Variants in MACROD2 observed in about 807,000 individuals in gnomAD.
The protein encoded by MACROD2 is mono-ADP ribosylhydrolase 2.
MACROD2 carries 36 observed loss-of-function variants against 70.4 expected under a neutral mutation model. The ratio of observed to expected loss-of-function variants is 0.51; its 90% confidence interval spans 0.39 to 0.68. The LOEUF (loss-of-function observed/expected upper bound fraction) is 0.68. Ranked by LOEUF, MACROD2 falls within the 30% of genes least tolerant of loss-of-function variation. The pLI is 0.00. For synonymous variants in MACROD2, 172 were observed against 178.8 expected, an observed-to-expected ratio of 0.96 and a Z score of 0.30; for missense variants, 496 against 538.4, an observed-to-expected ratio of 0.92 and a Z score of 0.78.
chr20:15,873,388 GA>G (rs1483135574), intron 9 of MACROD2, among the ~76,000 whole-genome samples: 3 of 151,558 alleles, frequency 2.0e-5, no homozygotes, highest in Admixed American at 6.6e-5. Context: ...TTTTATACAT[GA>G]AAAAAAGGTA....
chr20:14,006,315 C>T (rs748140218), intron 2 of MACROD2, among the ~76,000 whole-genome samples: 39 of 152,132 alleles, frequency 2.6e-4, no homozygotes, highest in Non-Finnish European at 4.7e-4. Flanking sequence ...GCATCCATTA[C>T]CCAGTTTCAA....
At chr20:15,380,289 T>A (rs1404804632) in intron 6 of MACROD2, among the ~76,000 whole-genome samples, 1 of 152,130 alleles carries the variant, frequency 6.6e-6, no homozygotes, top group Middle Eastern at 3.2e-3. Flanking sequence ...GAAATATTAT[T>A]TTACAAAGTG....
intron 3 of MACROD2, among the ~76,000 whole-genome samples, chr20:14,273,582 G>T (rs1157168282): frequency 6.8e-6 from 1 of 146,248 alleles, no homozygotes; most frequent in Non-Finnish European, 1.5e-5. Flanking sequence ...ACAATTAAAA[G>T]AACTAGAAAA....
intron 15 of MACROD2, among the ~76,000 whole-genome samples, chr20:16,035,990 T>G (rs955741343): frequency 2.6e-5 from 4 of 151,980 alleles, no homozygotes; most frequent in Non-Finnish European, 5.9e-5. Context: ...TAGATTCCCA[T>G]GAGGGTGGCA....
At position 15,049,346 on chromosome 20, in the gene MACROD2, G is replaced by A. The variant is rs77329384; in HGVS notation, c.419-180594G>A. On this transcript the variant is annotated intron_variant, in intron 5 of 17. Coordinates refer to ENST00000684519, the MANE Select transcript of MACROD2 (RefSeq NM_001351661.2). ...AGAGGAAGAGAAAAAAGAGGAGAGA[G>A]ACTTGTTGCCACCAAGAAAATACAT... 2.1e-3 allele frequency among the ~76,000 whole-genome samples: 323 copies of A among 151,666 alleles called. 5 individuals carry two copies. In the East Asian group the frequency reaches 0.052, roughly 25 times the overall value.
At chr20:15,066,510 A>T (rs1420310877) in intron 5 of MACROD2, among the ~76,000 whole-genome samples, 1 of 152,174 alleles carries the variant, frequency 6.6e-6, no homozygotes, top group Admixed American at 6.5e-5. Flanking sequence ...CGCCAAATCA[A>T]GTCATACGAC....
intron 5 of MACROD2, among the ~76,000 whole-genome samples, chr20:15,049,232 A>G (rs1463862076): frequency 1.3e-5 from 2 of 152,024 alleles, no homozygotes; most frequent in Non-Finnish European, 2.9e-5. Flanking sequence ...TAGTAAAATC[A>G]GAGATGTGGG....
At chr20:15,005,827 T>A (rs770786611) in intron 5 of MACROD2, among the ~76,000 whole-genome samples, 3 of 152,140 alleles carry the variant, frequency 2.0e-5, no homozygotes, top group Non-Finnish European at 4.4e-5. Context: ...GTGGAACCAG[T>A]TTGAGCTTCA....
At chr20:14,271,186 C>A (rs1229712741) in intron 3 of MACROD2, among the ~76,000 whole-genome samples, 6 of 152,228 alleles carry the variant, frequency 3.9e-5, no homozygotes, top group African/African-American at 1.4e-4. Flanking sequence ...GGCAGACTGC[C>A]TCCTCAAGTG....
intron 8 of MACROD2, among the ~76,000 whole-genome samples, chr20:15,768,237 T>C (rs1300691971): frequency 6.6e-6 from 1 of 152,086 alleles, no homozygotes; most frequent in East Asian, 1.9e-4. Flanking sequence ...ACAAACATCA[T>C]AGACTGTGCT....
chr20:14,796,009 T>C (rs1395454882), intron 5 of MACROD2, among the ~76,000 whole-genome samples: 2 of 152,088 alleles, frequency 1.3e-5, no homozygotes, highest in Non-Finnish European at 2.9e-5. Context: ...CCATTGACCT[T>C]GACATGAACA....
At position 14,738,308 on chromosome 20, in the gene MACROD2, G is replaced by A. The variant is rs547966367; in HGVS notation, c.418+53349G>A. The stretch of plus-strand genomic sequence containing the variant: ...TAAAGAGTATTAAAACACTCTTTCC[G>A]ATCATAAAGAACAACTTTGGTGATA... On this transcript the variant is annotated intron_variant, in intron 5 of 17. Transcript: ENST00000684519. Among the ~76,000 whole-genome samples, 49 of 152,146 alleles carry A rather than the reference G, an allele frequency of 3.2e-4. No individual in the cohort carries two copies. The South Asian group carries it at 5.2e-3, about 16-fold the overall frequency.
intron 8 of MACROD2, among the ~76,000 whole-genome samples, chr20:15,693,812 C>T (rs570735986): frequency 2.0e-5 from 3 of 152,116 alleles, no homozygotes; most frequent in Admixed American, 6.5e-5. Context: ...GTGCACATAT[C>T]GCCTGAGCAG....
In MACROD2 at chr20:15,876,743, G is replaced by A. The variant is rs527482111; in HGVS notation, c.728-9021G>A. Among the ~76,000 whole-genome samples, 187 of 152,204 alleles carry A rather than the reference G, an allele frequency of 1.2e-3. 1 individual carries two copies. The highest frequency in any genetic ancestry group is 4.3e-3 in the African/African-American group (177 of 41,530). ...ACAGTCCCACCAACAGTGTAAAAGC[G>A]TTCCTATTTCTCCACGTCGTCTCCA... On this transcript the variant is annotated intron_variant, in intron 9 of 17. Coordinates refer to ENST00000684519, the MANE Select transcript of MACROD2 (RefSeq NM_001351661.2).
At chr20:15,269,465 A>G (rs2146063065) in intron 6 of MACROD2, among the ~76,000 whole-genome samples, 1 of 152,356 alleles carries the variant, frequency 6.6e-6, no homozygotes, top group East Asian at 1.9e-4. Context: ...ACTGAAAAAT[A>G]GAAACTAAAT....
At chr20:15,168,004 T>G (rs978507885) in intron 5 of MACROD2, among the ~76,000 whole-genome samples, 3 of 152,144 alleles carry the variant, frequency 2.0e-5, no homozygotes, top group African/African-American at 7.2e-5. Context: ...CCCACACCTC[T>G]CTCAATCATA....
chr20:15,573,717 C>T (rs1028855446), intron 8 of MACROD2, among the ~76,000 whole-genome samples: 13 of 152,046 alleles, frequency 8.6e-5, no homozygotes, highest in African/African-American at 3.1e-4. Flanking sequence ...GTGAGCCTCC[C>T]CCTTCTGAAT....
intron 8 of MACROD2, among the ~76,000 whole-genome samples, chr20:15,837,066 C>T (rs1389830654): frequency 6.6e-6 from 1 of 152,048 alleles, no homozygotes; most frequent in African/African-American, 2.4e-5. Context: ...CACATATGTA[C>T]TTGGTCTGCA....
At chr20:15,819,113 G>A (rs1381037722) in intron 8 of MACROD2, among the ~76,000 whole-genome samples, 3 of 150,780 alleles carry the variant, frequency 2.0e-5, no homozygotes, top group Non-Finnish European at 4.4e-5. Context: ...GTTCATTGCA[G>A]CATTATTTGC....
Sources: allele counts gnomAD v4.1 joint callset (sites outside exome capture counted in the v4.1 genomes callset), GRCh38; gene constraint gnomAD v4.1.1; transcripts MANE v1.5; gene names NCBI Gene and HGNC (gene_info 2026-07-23, HGNC 2026-07-21).